Variants in ZNF75D observed in about 807,000 individuals in gnomAD.
ZNF75D encodes the protein zinc finger protein 75.
In ZNF75D, 33 loss-of-function variants were observed where a neutral mutation model predicts 33.3. The observed-to-expected ratio is 0.99, with a 90% CI of 0.75 to 1.32. The LOEUF is 1.32. Ranked by LOEUF, ZNF75D falls within the 40% of genes most tolerant of loss-of-function variation. ZNF75D has a pLI of 0.00. For synonymous variants in ZNF75D, 113 were observed against 130.6 expected (o/e 0.87, Z 0.92); for missense variants, 338 against 367.5 (o/e 0.92, Z 0.66).
At chrX:135,260,859 G>T (rs888528312) in intron 1 of ZNF75D, among the ~76,000 whole-genome samples, 3 of 111,258 alleles carry the variant, frequency 2.7e-5, no homozygotes, top group Non-Finnish European at 5.7e-5. Flanking sequence ...TTTGTTTGCT[G>T]TTGCTTCTCT....
Position 135,294,104 on chromosome X carries a change from T to C in ZNF75D, c.37A>G (p.Ser13Gly), listed in dbSNP as rs201954253. The change falls in exon 3 of 7, where the codon AGC (serine) becomes GGC (glycine). Residue 13 changes from serine (S) to glycine (G), a missense_variant. Physicochemically the swap from Ser to Gly is moderately conservative, Grantham distance 56. Coordinates refer to ENST00000370766, the MANE Select transcript of ZNF75D (RefSeq NM_007131.5). Reference sequence around the variant, plus strand: ...TCCCACATAGCCCCCATCTGGGGGCTTGAGCATGAATCCGCGTTCAGCTCT... The same window carrying C: ...TCCCACATAGCCCCCATCTGGGGGCCTGAGCATGAATCCGCGTTCAGCTCT... ...MRELNADSCS[S>G]PQMGAMWETS... The C allele has an allele frequency of 5.0e-6, 6 of 1,201,981 alleles. No homozygotes were observed.
chrX:135,322,527 G>A (rs181600356), intron 1 of ZNF75D, among the ~76,000 whole-genome samples: 11 of 112,110 alleles, frequency 9.8e-5, no homozygotes, highest in Non-Finnish European at 2.1e-4. Context: ...TATTTATAGA[G>A]AGATAGATAG....
chrX:135,311,605 T>C (rs1446909669), intron 1 of ZNF75D, among the ~76,000 whole-genome samples: 1 of 112,114 alleles, frequency 8.9e-6, no homozygotes, highest in East Asian at 2.8e-4. Flanking sequence ...ATACAGTTAG[T>C]TACTAGCTGT....
intron 1 of ZNF75D, among the ~76,000 whole-genome samples, chrX:135,297,903 T>C (rs2084157623): frequency 8.9e-6 from 1 of 112,102 alleles, no homozygotes; most frequent in African/African-American, 3.2e-5. Context: ...GTTGGGTTTA[T>C]GGTAAGGGTC....
intron 1 of ZNF75D, among the ~76,000 whole-genome samples, chrX:135,338,529 T>C (rs2084744842): frequency 8.9e-6 from 1 of 112,442 alleles, no homozygotes; most frequent in Non-Finnish European, 1.9e-5. Context: ...AGAAATTTCC[T>C]AATGTACATG....
intron 1 of ZNF75D, among the ~76,000 whole-genome samples, chrX:135,338,869 A>C (rs2084748521): frequency 9.5e-6 from 1 of 104,971 alleles, no homozygotes; most frequent in African/African-American, 3.5e-5. Flanking sequence ...CTCCCTCCTA[A>C]TCCTTCCCCC....
intron 1 of ZNF75D, chrX:135,298,017 A>G (rs1334901218): frequency 9.0e-6 from 1 of 110,867 alleles, no homozygotes; most frequent in Non-Finnish European, 1.9e-5. Context: ...AAGGGCATTA[A>G]TCCCATCATG....
intron 1 of ZNF75D, among the ~76,000 whole-genome samples, chrX:135,326,472 G>A (rs981115906): frequency 3.6e-5 from 4 of 111,728 alleles, no homozygotes; most frequent in East Asian, 5.6e-4. Flanking sequence ...ACCAATCAGC[G>A]CCCTGTCAAA....
chrX:135,290,892 G>T, intron 6 of ZNF75D, 117 bp downstream of exon 6: 1 of 714,313 alleles, frequency 1.4e-6, no homozygotes, highest in Non-Finnish European at 2.0e-6. Flanking sequence ...ACATCATCAA[G>T]TTGAGAATCA....
intron 1 of ZNF75D, among the ~76,000 whole-genome samples, chrX:135,277,400 C>T (rs1313365865): frequency 1.8e-5 from 2 of 112,019 alleles, no homozygotes; most frequent in Non-Finnish European, 1.9e-5. Flanking sequence ...CCTTATCAGA[C>T]GGATAGATTG....
At chrX:135,283,442 G>A (rs187282719), downstream of ZNF75D, among the ~76,000 whole-genome samples, 2 of 111,975 alleles carry the variant, frequency 1.8e-5, no homozygotes, top group Non-Finnish European at 3.8e-5. Context: ...TCCCCAACAT[G>A]GTCATCACCA....
chrX:135,301,781 G>A (rs2084220911), intron 1 of ZNF75D, among the ~76,000 whole-genome samples: 1 of 112,214 alleles, frequency 8.9e-6, no homozygotes, highest in Admixed American at 9.4e-5. Context: ...CTGGAGGATG[G>A]TGGCCCTCTT....
rs2084727723 is a variant in ZNF75D, at chrX:135,337,479, T to C, written c.-391+4289A>G. Among the ~76,000 whole-genome samples the C allele has an allele frequency of 4.5e-5, 5 of 112,253 alleles. No individual in the cohort carries two copies. The South Asian group carries it at 1.8e-3, about 41-fold the overall frequency. The stretch of plus-strand genomic sequence containing the variant: ...ATTTTTACTTTTATTCATTTTTTAC[T>C]TTTTAAAATATTTGTAAACATTTTT... On this transcript the variant is annotated intron_variant, in intron 1 of 6. Coordinates refer to ENST00000370766, the MANE Select transcript of ZNF75D (RefSeq NM_007131.5).
chrX:135,257,958 CGGAG>C (rs1397120572), intron 1 of ZNF75D, among the ~76,000 whole-genome samples: 5 of 107,417 alleles, frequency 4.7e-5, no homozygotes, highest in Non-Finnish European at 9.7e-5. Flanking sequence ...CTATTCCTCC[CGGAG>C]CCCCCCCACC....
At chrX:135,319,224 T>C (rs972969714) in intron 1 of ZNF75D, among the ~76,000 whole-genome samples, 1 of 112,711 alleles carries the variant, frequency 8.9e-6, no homozygotes, top group Non-Finnish European at 1.9e-5. Context: ...ATACCTACTA[T>C]TGAGTTCTCT....
At position 135,342,301 on chromosome X, in the gene ZNF75D, T is replaced by A. The variant is rs2084793876; in HGVS notation, c.-924A>T. 1 of 112,106 alleles carries A rather than the reference T, an allele frequency of 8.9e-6. No homozygotes were observed. Among genetic ancestry groups the A allele is most frequent in the African/African-American group, 3.3e-5 (1 of 30,760 alleles). The allele number at this position is 112,106 out of a possible 1,213,427, so 9.2% of individuals were successfully genotyped here. ...CTTCTGAAAACACTTCTGTGCTAGG[T>A]CCATGGTGTATGATCTAGGAACCAA... On this transcript the variant is annotated 5_prime_UTR_variant, in exon 1 of 7. Transcript: ENST00000370766.
rs782255976 is a variant in ZNF75D, at chrX:135,316,744, T to C, written c.-390-20705A>G. The stretch of plus-strand genomic sequence containing the variant: ...CCTTTCTTCAAGATCTTAGATTCTT[T>C]CTTCTGCTTGATCTAGTCTATTGTT... On this transcript the variant is annotated intron_variant, in intron 1 of 6. Transcript: ENST00000370766. Among the ~76,000 whole-genome samples the C allele has an allele frequency of 2.7e-5, 3 of 109,681 alleles. No individual in the cohort carries two copies. The East Asian group carries it at 8.6e-4, about 32-fold the overall frequency.
chrX:135,325,249 G>A (rs782186677), intron 1 of ZNF75D, among the ~76,000 whole-genome samples: 1 of 106,859 alleles, frequency 9.4e-6, no homozygotes, highest in Admixed American at 9.5e-5. Context: ...GCCAGCCACT[G>A]TTCTGAGTGC....
intron 1 of ZNF75D, among the ~76,000 whole-genome samples, chrX:135,277,810 T>C (rs1432180370): frequency 8.9e-6 from 1 of 111,918 alleles, no homozygotes. Flanking sequence ...ATGTGTGGTG[T>C]TATTTCTGAG....
Sources: gnomAD v4.1 joint callset for allele counts (sites outside exome capture counted in the v4.1 genomes callset) on GRCh38, gnomAD v4.1.1 for gene constraint, MANE v1.5 for transcripts, NCBI Gene and HGNC (gene_info 2026-07-23, HGNC 2026-07-21) for gene names.